The following DMTN variants were observed in gnomAD, a reference collection of about 807,000 sequenced individuals.
DMTN encodes dematin.
In DMTN, 27 loss-of-function variants were observed where a neutral mutation model predicts 59.4. The observed-to-expected ratio is 0.45, with a 90% CI of 0.33 to 0.63. DMTN has a LOEUF of 0.63. Among genes scored for constraint, DMTN ranks in the 20% least tolerant of loss-of-function variants. DMTN has a pLI of 0.02. For missense variants in DMTN, 451 were observed against 528.9 expected, an observed-to-expected ratio of 0.85 and a Z score of 1.45; for synonymous variants, 221 against 203.7, an observed-to-expected ratio of 1.08 and a Z score of -0.72.
In DMTN at chr8:22,081,366, A is replaced by T. The variant is rs1158821092; in HGVS notation, c.1121A>T (p.Glu374Val). 1 of 1,613,992 alleles carries T rather than the reference A, an allele frequency of 6.2e-7. No homozygotes were observed. Among genetic ancestry groups the T allele is most frequent in the South Asian group, 1.1e-5 (1 of 91,082 alleles). Residue 374 changes from glutamate (E) to valine (V), a missense_variant, in exon 16 of 16, where the codon GAG becomes GTG. By Grantham distance (121) the Glu-to-Val change is moderately radical. Coordinates refer to ENST00000358242, the MANE Select transcript of DMTN (RefSeq NM_001387751.1). ...RMRLERHLSAEDFSRVFAMSP... is the reference protein window; with the variant it reads ...RMRLERHLSAVDFSRVFAMSP... ...CCCATGTAGAGGCATCTGTCTGCCG[A>T]GGACTTCTCAAGGGTATTTGCCATG...
chr8:22,050,798 C>T (rs1383866704), upstream of DMTN, among the ~76,000 whole-genome samples: 2 of 151,278 alleles, frequency 1.3e-5, no homozygotes, highest in Non-Finnish European at 3.0e-5. Flanking sequence ...CCTGGCTGGT[C>T]TCTGACTGAG....
rs912202695 is a variant in DMTN, at chr8:22,060,078, G to A, written c.-172+2942G>A. 1.3e-5 allele frequency among the ~76,000 whole-genome samples: 2 copies of A among 152,126 alleles called. No homozygotes were observed. The highest frequency in any genetic ancestry group is 2.1e-4 in the South Asian group (1 of 4,832). On this transcript the variant is annotated intron_variant, in intron 1 of 15. Coordinates refer to ENST00000358242, the MANE Select transcript of DMTN (RefSeq NM_001387751.1). This position sits in a 1 kb window ranked among gnomAD's most constrained non-coding sequence, Gnocchi z 5.0. The stretch of plus-strand genomic sequence containing the variant: ...GAGGGCGAGCGGCTGGCTGGCGTCC[G>A]ACCAGGGCCAGGGGCAGCTGAGCTG...
intron 9 of DMTN, among the ~76,000 whole-genome samples, 181 bp downstream of exon 9, chr8:22,072,631 A>ATTTTTTT (rs61068593): frequency 0.019 from 2,500 of 130,692 alleles, 99 homozygotes; most frequent in African/African-American, 0.068. Context: ...CGCCCAGCTA[A>ATTTTTTT]TTTTTTTTTT....
intron 9 of DMTN, among the ~76,000 whole-genome samples, chr8:22,072,676 T>C (rs1469362577): frequency 6.7e-6 from 1 of 148,600 alleles, no homozygotes; most frequent in African/African-American, 2.5e-5. Context: ...GGTTTTGCCG[T>C]GTTGGCCAGG....
chr8:22,070,172 T>C lies in DMTN; in HGVS notation c.452-10T>C. The C allele has an allele frequency of 6.4e-7, 1 of 1,573,628 alleles. No individual in the cohort carries two copies. Among genetic ancestry groups the C allele is most frequent in the Non-Finnish European group, 8.6e-7 (1 of 1,157,392 alleles). On this transcript the variant is annotated splice_polypyrimidine_tract_variant and intron_variant, in intron 7 of 15. Transcript: ENST00000358242. ...GGGCACACCTGGCTGACCCTGGCCT[T>C]TGTCTGCAGAGTCCGTGGGAGGCAG... is the stretch of plus-strand genomic sequence containing the variant.
intron 1 of DMTN, among the ~76,000 whole-genome samples, chr8:22,061,612 TC>T (rs774057091): frequency 2.6e-5 from 4 of 152,180 alleles, no homozygotes; most frequent in Admixed American, 2.0e-4. Context: ...TTCCAGGGCC[TC>T]CCCGAGGCTC....
intron 10 of DMTN, among the ~76,000 whole-genome samples, chr8:22,078,418 T>C (rs1821349985): frequency 6.7e-6 from 1 of 149,092 alleles, no homozygotes; most frequent in Admixed American, 6.7e-5. Context: ...TATATGTATA[T>C]ATGTGAATAT....
chr8:22,072,631 AT>A (rs61068593), intron 9 of DMTN, among the ~76,000 whole-genome samples, 181 bp downstream of exon 9: 4,794 of 130,772 alleles, frequency 0.037, 100 homozygotes, highest in African/African-American at 0.054. Context: ...CGCCCAGCTA[AT>A]TTTTTTTTTT....
At chr8:22,066,961 C>T (rs1811144062) in intron 2 of DMTN, 68 bp downstream of exon 2, 1 of 1,243,990 alleles carries the variant, frequency 8.0e-7, no homozygotes, top group Non-Finnish European at 1.0e-6. Context: ...TCCAGGGCGC[C>T]ACCTGGTGGC....
chr8:22,073,438 C>A, intron 9 of DMTN, among the ~76,000 whole-genome samples: 1 of 151,756 alleles, frequency 6.6e-6, no homozygotes, highest in Non-Finnish European at 1.5e-5. Context: ...CAAGGCTAGG[C>A]AACATGGTGA....
At chr8:22,050,330 G>C (rs922522369), upstream of DMTN, among the ~76,000 whole-genome samples, 1 of 152,122 alleles carries the variant, frequency 6.6e-6, no homozygotes, top group Non-Finnish European at 1.5e-5. Flanking sequence ...GGAAGGAGGT[G>C]TGTTGGGGAG....
chr8:22,069,699 C>T (rs190703612), intron 6 of DMTN, among the ~76,000 whole-genome samples, 181 bp downstream of exon 6: 2 of 152,126 alleles, frequency 1.3e-5, no homozygotes, highest in African/African-American at 2.4e-5. Flanking sequence ...TCTCCCCCAG[C>T]CGGAAAAGTG....
At chr8:22,059,837 C>G (rs1476715115) in intron 1 of DMTN, among the ~76,000 whole-genome samples, 1 of 152,186 alleles carries the variant, frequency 6.6e-6, no homozygotes, top group African/African-American at 2.4e-5. Flanking sequence ...GGCTTCATTT[C>G]TAAAAGTCCA....
chr8:22,068,705 AAAAG>A (rs1031123292), intron 4 of DMTN, among the ~76,000 whole-genome samples: 1 of 151,912 alleles, frequency 6.6e-6, no homozygotes, highest in African/African-American at 2.4e-5. Context: ...GGAAAAAATT[AAAAG>A]AAAGATGAGA....
Position 22,073,808 on chromosome 8 carries a change from C to T in DMTN, c.808C>T (p.Leu270=). The change falls in exon 10 of 16, where the codon CTG becomes TTG. Residue 270 remains leucine, a synonymous_variant. Coordinates refer to ENST00000358242, the MANE Select transcript of DMTN (RefSeq NM_001387751.1). ...SLPIRRKTRS[L]PDRTPFHTSL... is the part of the protein sequence containing the mutation. ...GCCGATCCGAAGGAAAACCCGCTCT[C>T]TGCCTGACCGGACACCCTTCCATAC... 6.2e-7 allele frequency: 1 copy of T among 1,614,128 alleles called. No individual in the cohort carries two copies. Among genetic ancestry groups the T allele is most frequent in the South Asian group, 1.1e-5 (1 of 91,072 alleles).
chr8:22,069,496 C>G lies in DMTN; in HGVS notation c.372C>G (p.Ser124Arg), dbSNP rs970039627. Residue 124 changes from serine to arginine, a missense_variant, in exon 6 of 16, where the codon AGC (serine) becomes AGG (arginine). Transcript: ENST00000358242. ...GAACCACTGGAACCCCCCGGACCAG[C>G]CTGCCCCATTTCCACCACCCTGGTA... Reference protein sequence around the residue: ...APRTTGTPRTSLPHFHHPETS... With the variant: ...APRTTGTPRTRLPHFHHPETS... 2 of 1,605,204 alleles carry G rather than the reference C, an allele frequency of 1.2e-6. No homozygotes were observed. The highest frequency in any genetic ancestry group is 1.7e-6 in the Non-Finnish European group (2 of 1,176,340).
In DMTN at chr8:22,080,267, A is replaced by G. The variant is rs963625222; in HGVS notation, c.900+23A>G. On this transcript the variant is annotated intron_variant, in intron 11 of 15. Transcript: ENST00000358242. ...CGGGTAAGGTCTCAGGACCAGAGATATAGACTACGTGGGAGGAACGTGCAT... is the reference window on the plus strand; with the variant it reads ...CGGGTAAGGTCTCAGGACCAGAGATGTAGACTACGTGGGAGGAACGTGCAT... 11 of 1,614,084 alleles carry G rather than the reference A, an allele frequency of 6.8e-6. No homozygotes were observed. In the African/African-American group the frequency reaches 1.3e-4, roughly 20 times the overall value.
rs565735481 is a variant in DMTN at position 22,081,793 on chromosome 8, G to A, written c.*330G>A. 9.9e-6 allele frequency: 5 copies of A among 503,880 alleles called. No homozygotes were observed. The highest frequency in any genetic ancestry group is 5.8e-5 in the African/African-American group (3 of 52,122). The allele number at this position is 503,880 out of a possible 1,614,324, so 31.2% of individuals were successfully genotyped here. A position where few individuals can be genotyped will look rare whatever the true frequency, so the allele number is the denominator to read the frequency against. Reference sequence around the variant, plus strand: ...AATGAGGGGCATTGGTGGTTAGGCCGGTTGGCTGTCTTGAACAGCTGGAGG... The same window carrying A: ...AATGAGGGGCATTGGTGGTTAGGCCAGTTGGCTGTCTTGAACAGCTGGAGG... On this transcript the variant is annotated 3_prime_UTR_variant, in exon 16 of 16. Transcript: ENST00000358242.
chr8:22,052,160 G>T (rs56106262), upstream of DMTN, among the ~76,000 whole-genome samples: 1,531 of 152,310 alleles, frequency 0.01, 29 homozygotes, highest in African/African-American at 0.035. Context: ...CACTGGTCTT[G>T]CCAGCCATTC....
Sources: allele counts gnomAD v4.1 joint callset (sites outside exome capture counted in the v4.1 genomes callset), GRCh38; gene constraint gnomAD v4.1.1; non-coding constraint Gnocchi (gnomAD v3.1); transcripts MANE v1.5; gene names NCBI Gene and HGNC (gene_info 2026-07-23, HGNC 2026-07-21).